EZH2: variants seen among roughly 807,000 people sequenced by gnomAD.
The protein encoded by EZH2 is histone-lysine N-methyltransferase EZH2.
A neutral mutation model predicts 98.4 loss-of-function variants in EZH2; 18 were observed. The observed-to-expected ratio is 0.18, with a 90% CI of 0.13 to 0.27. The LOEUF is 0.27. Among genes scored for constraint, EZH2 ranks in the 10% least tolerant of loss-of-function variants. The pLI is 1.00. For missense variants in EZH2, 470 were observed against 935.1 expected (o/e 0.50, Z 6.49); for synonymous variants, 338 against 312.3 (o/e 1.08, Z -0.87).
At chr7:148,834,372 C>G (rs1159163034) in intron 3 of EZH2, among the ~76,000 whole-genome samples, 2 of 147,318 alleles carry the variant, frequency 1.4e-5, no homozygotes, top group Admixed American at 1.3e-4. Context: ...CACACACACA[C>G]ACACACACAC....
intron 14 of EZH2, among the ~76,000 whole-genome samples, chr7:148,814,441 C>T (rs950843752): frequency 2.0e-5 from 3 of 152,086 alleles, no homozygotes; most frequent in Admixed American, 6.5e-5. Context: ...ATTCCAATAG[C>T]CCCTAGTTCT....
rs556648631 is a variant in EZH2 at position 148,832,556 on chromosome 7, T to C, written c.363+78A>G. On this transcript the variant is annotated intron_variant, in intron 4 of 19. Coordinates refer to ENST00000320356, the MANE Select transcript of EZH2 (RefSeq NM_004456.5). ...AGAATTTATACTGTCTTGATTCACC[T>C]TGACAATAAAATTATCTATGCTTTT... 6.6e-5 allele frequency: 53 copies of C among 798,786 alleles called. No homozygotes were observed. The African/African-American group carries it at 7.0e-4, about 11-fold the overall frequency. 49.5% of individuals were successfully genotyped at this position (798,786 alleles called of 1,614,324 possible). A position where few individuals can be genotyped will look rare whatever the true frequency, so the allele number is the denominator to read the frequency against.
At chr7:148,819,566 C>G in intron 9 of EZH2, 30 bp downstream of exon 9, 1 of 1,577,860 alleles carries the variant, frequency 6.3e-7, no homozygotes, top group Non-Finnish European at 8.7e-7. Context: ...TCTCAAGTAC[C>G]CTCTGCAATA....
intron 1 of EZH2, among the ~76,000 whole-genome samples, chr7:148,854,718 T>A (rs1816516186): frequency 6.6e-6 from 1 of 152,222 alleles, no homozygotes; most frequent in Admixed American, 6.5e-5. Flanking sequence ...ACAGCAAGAC[T>A]GCCAAAAAAT....
At chr7:148,824,457 T>C (rs973040632) in intron 8 of EZH2, among the ~76,000 whole-genome samples, 1 of 152,210 alleles carries the variant, frequency 6.6e-6, no homozygotes, top group Admixed American at 6.5e-5. Flanking sequence ...ATGTTTATTA[T>C]GATTTAAACA....
intron 18 of EZH2, 48 bp downstream of exon 18, chr7:148,809,262 T>C (rs754625539): frequency 1.9e-6 from 3 of 1,582,902 alleles, no homozygotes; most frequent in Admixed American, 3.3e-5. Flanking sequence ...AAGTCCATCA[T>C]CACAGGACTG....
At chr7:148,815,726 A>C (rs990562560) in intron 12 of EZH2, among the ~76,000 whole-genome samples, 180 bp from the exon 13 acceptor site, 10 of 152,240 alleles carry the variant, frequency 6.6e-5, no homozygotes, top group African/African-American at 2.2e-4. Context: ...TTGATGGCTC[A>C]GGCTGCCCCA....
chr7:148,858,078 GTCAGGAGA>G (rs1374400369), intron 1 of EZH2, among the ~76,000 whole-genome samples: 1 of 151,750 alleles, frequency 6.6e-6, no homozygotes, highest in East Asian at 1.9e-4. Context: ...AGATCACGAG[GTCAGGAGA>G]TCGAGACCAT....
intron 15 of EZH2, among the ~76,000 whole-genome samples, chr7:148,813,599 G>C (rs1473451606): frequency 6.6e-6 from 1 of 151,408 alleles, no homozygotes; most frequent in Non-Finnish European, 1.5e-5. Flanking sequence ...TATTTTGATA[G>C]AAATCACCAT....
At chr7:148,808,206 C>A (rs1013743030) in intron 19 of EZH2, among the ~76,000 whole-genome samples, 1 of 152,216 alleles carries the variant, frequency 6.6e-6, no homozygotes, top group African/African-American at 2.4e-5. Context: ...GGGGGTGAGG[C>A]CACCGGGTCA....
At chr7:148,871,671 C>T (rs186984404) in intron 1 of EZH2, among the ~76,000 whole-genome samples, 1 of 151,614 alleles carries the variant, frequency 6.6e-6, no homozygotes, top group East Asian at 1.9e-4. Context: ...ACCTCCCAGG[C>T]TCAAGCAATC....
chr7:148,850,436 C>T (rs1467373440), intron 1 of EZH2: 1 of 956,140 alleles, frequency 1.0e-6, no homozygotes, highest in East Asian at 1.1e-4. Context: ...CATGCTGTTT[C>T]TACCATTAAT....
At chr7:148,845,974 C>T (rs1813906018) in intron 3 of EZH2, among the ~76,000 whole-genome samples, 1 of 152,148 alleles carries the variant, frequency 6.6e-6, no homozygotes. Context: ...AGAGCTAGCT[C>T]GTTCAGAAAG....
chr7:148,877,221 T>C (rs1820294436), intron 1 of EZH2, among the ~76,000 whole-genome samples: 2 of 152,210 alleles, frequency 1.3e-5, no homozygotes, highest in East Asian at 3.8e-4. Context: ...CCGTTAAAGG[T>C]AGCGAATGAG....
At position 148,833,190 on chromosome 7, in the gene EZH2, G is replaced by A. The variant is rs576437496; in HGVS notation, c.247-440C>T. On this transcript the variant is annotated intron_variant, in intron 3 of 19. Transcript: ENST00000320356. ...TAAGAAAACTTGGGCCGGGCGCGGT[G>A]GCTCACGCCTGTAATCCCAGCACTT... Among the ~76,000 whole-genome samples, 8 of 152,284 alleles carry A rather than the reference G, an allele frequency of 5.3e-5. No individual in the cohort carries two copies. In the East Asian group the frequency reaches 1.5e-3, roughly 29 times the overall value.
At chr7:148,810,200 GC>G (rs1260650029) in intron 17 of EZH2, 132 bp downstream of exon 17, 42 of 553,890 alleles carry the variant, frequency 7.6e-5, no homozygotes, top group East Asian at 1.6e-4. Context: ...CAAGCAAGCA[GC>G]CCCCCATGCC....
intron 8 of EZH2, 116 bp from the exon 9 acceptor site, chr7:148,819,803 T>G: frequency 1.2e-6 from 1 of 847,678 alleles, no homozygotes; most frequent in Non-Finnish European, 1.8e-6. Context: ...ATATGTGGTT[T>G]ACGTTACTTC....
intron 1 of EZH2, among the ~76,000 whole-genome samples, chr7:148,859,302 T>C (rs1443075680): frequency 6.6e-6 from 1 of 152,042 alleles, no homozygotes; most frequent in Admixed American, 6.5e-5. Flanking sequence ...GGCCAGGAGT[T>C]CAAGACCAGC....
chr7:148,877,323 T>C (rs1213938180), intron 1 of EZH2, among the ~76,000 whole-genome samples: 1 of 152,230 alleles, frequency 6.6e-6, no homozygotes, highest in Admixed American at 6.5e-5. Flanking sequence ...CATTTCTAAA[T>C]TGAAATAGAT....
Sources: gnomAD v4.1 joint callset for allele counts (sites outside exome capture counted in the v4.1 genomes callset) on GRCh38, gnomAD v4.1.1 for gene constraint, MANE v1.5 for transcripts, NCBI Gene and HGNC (gene_info 2026-07-23, HGNC 2026-07-21) for gene names.